The following GCNT4 variants were observed in gnomAD, a reference collection of about 807,000 sequenced individuals.
GCNT4 encodes the protein glucosaminyl (N-acetyl) transferase 4.
A neutral mutation model predicts 31.3 loss-of-function variants in GCNT4; 17 were observed. The ratio of observed to expected loss-of-function variants is 0.54; its 90% confidence interval spans 0.37 to 0.81. The LOEUF (loss-of-function observed/expected upper bound fraction) is 0.81. GCNT4 is among the 40% of genes least tolerant of loss of function. The pLI is 0.00. For synonymous variants in GCNT4, 158 were observed against 190.6 expected, an observed-to-expected ratio of 0.83 and a Z score of 1.41; for missense variants, 503 against 525.5, an observed-to-expected ratio of 0.96 and a Z score of 0.42.
rs559489372 is a variant in GCNT4, at chr5:75,045,631, G to A, written c.-2+2266C>T. Among the ~76,000 whole-genome samples the A allele has an allele frequency of 2.6e-5, 4 of 152,232 alleles. No individual in the cohort carries two copies. In the East Asian group the frequency reaches 7.7e-4, roughly 29 times the overall value. ...CCTGTTTGAATTCCTGCCTTCACTC[G>A]TTCAAGAATATCCCCTATATAAACC... On this transcript the variant is annotated intron_variant, in intron 3 of 3. Coordinates refer to ENST00000652361, the MANE Select transcript of GCNT4 (RefSeq NM_001366737.1).
downstream of GCNT4, among the ~76,000 whole-genome samples, chr5:75,023,577 G>A (rs1411627554): frequency 6.6e-6 from 1 of 152,188 alleles, no homozygotes. Flanking sequence ...TAGAGGCTGA[G>A]TGAATTGTGG....
Position 75,030,246 on chromosome 5 carries a change from A to G in GCNT4, c.-1-208T>C, listed in dbSNP as rs1469447965. The G allele has an allele frequency of 7.6e-6, 4 of 524,134 alleles. No individual in the cohort carries two copies. In the Admixed American group the frequency reaches 1.5e-4, roughly 20 times the overall value. 32.5% of individuals were successfully genotyped at this position (524,134 alleles called of 1,614,324 possible). On this transcript the variant is annotated intron_variant, in intron 3 of 3. Transcript: ENST00000652361. ...TTTTGGGGTATTCTGTGTTAACTAT[A>G]CCTAATTTTGAGAGATGTTGGTTTC...
At chr5:75,040,705 G>A (rs1743297929) in intron 3 of GCNT4, among the ~76,000 whole-genome samples, 1 of 152,188 alleles carries the variant, frequency 6.6e-6, no homozygotes, top group African/African-American at 2.4e-5. Context: ...AAGAGGAATG[G>A]TTTCTTGGGA....
chr5:75,025,259 T>C (rs932393001), downstream of GCNT4: 32 of 152,228 alleles, frequency 2.1e-4, no homozygotes, highest in African/African-American at 7.5e-4. Context: ...CTCTGCTCTT[T>C]AAATAAGGGG....
chr5:75,028,870 C>T lies in GCNT4; in HGVS notation c.1168G>A (p.Val390Met), dbSNP rs569068324. Residue 390 changes from valine (V) to methionine (M), a missense_variant, in exon 4 of 4, where the codon GTG becomes ATG. Val to Met is a conservative substitution (Grantham distance 21). Transcript: ENST00000652361. Reference sequence around the variant, plus strand: ...AATTCTGCAGCTCCATAAATACACACGCTTCGAAGGTGAGATCCAGTACAA... The same window carrying T: ...AATTCTGCAGCTCCATAAATACACATGCTTCGAAGGTGAGATCCAGTACAA... ...PSCTGSHLRSVCIYGAAELRW... is the reference protein window; with the variant it reads ...PSCTGSHLRSMCIYGAAELRW... 52 of 1,614,040 alleles carry T rather than the reference C, an allele frequency of 3.2e-5. No homozygotes were observed. The highest frequency in any genetic ancestry group is 8.0e-5 in the African/African-American group (6 of 75,046).
intron 3 of GCNT4, chr5:75,030,566 A>T (rs1241602433): frequency 5.9e-6 from 1 of 168,320 alleles, no homozygotes; most frequent in African/African-American, 2.4e-5. Flanking sequence ...CACCCAAAGG[A>T]GCTATGCTAA....
upstream of GCNT4, chr5:75,052,682 T>A (rs1050724022): frequency 1.3e-5 from 2 of 152,114 alleles, no homozygotes; most frequent in African/African-American, 4.8e-5. Context: ...CCAGCCCCGG[T>A]TGCCCTGGCG....
rs147043874 is a variant in GCNT4 at position 75,029,921 on chromosome 5, C to G, written c.117G>C (p.Pro39=). The part of the protein sequence containing the change: ...LKLLNVRRLF[P]QKDIYLVEYS... ...ACTCAACCAAGTAAATGTCTTTTTGCGGAAAGAGTCGTCTCACATTTAGAA... is the reference window on the plus strand; with the variant it reads ...ACTCAACCAAGTAAATGTCTTTTTGGGGAAAGAGTCGTCTCACATTTAGAA... The change falls in exon 4 of 4, where the codon CCG becomes CCC. Residue 39 remains proline, a synonymous_variant. Transcript: ENST00000652361. 4 of 1,614,022 alleles carry G rather than the reference C, an allele frequency of 2.5e-6. No homozygotes were observed. In the Admixed American group the frequency reaches 5.0e-5, roughly 20 times the overall value.
rs530976574 is a variant in GCNT4 at position 75,039,499 on chromosome 5, T to A, written c.-2+8398A>T. Among the ~76,000 whole-genome samples, 10 of 152,320 alleles carry A rather than the reference T, an allele frequency of 6.6e-5. No individual in the cohort carries two copies. In the South Asian group the frequency reaches 1.9e-3, roughly 28 times the overall value. On this transcript the variant is annotated intron_variant, in intron 3 of 3. Transcript: ENST00000652361. ...TATCCTCATCTTTCAGATTAAGAAA[T>A]CAAGTCAGAAGATAAATAACTTACC...
intron 2 of GCNT4, among the ~76,000 whole-genome samples, chr5:75,049,105 T>C (rs570569533): frequency 6.7e-6 from 1 of 150,312 alleles, no homozygotes; most frequent in African/African-American, 2.5e-5. Flanking sequence ...GGGAAGAATT[T>C]ACTGGTTTTG....
chr5:75,028,688 A>T lies in GCNT4; in HGVS notation c.1350T>A (p.Thr450=). ...CCTGATTTTACTATCATGATGTGGT[A>T]GTGAGATTTCTATCCATAAATAACT... The part of the protein sequence containing the change: ...SEKLFMDRNL[T]TTS The change falls in exon 4 of 4, where the codon ACT becomes ACA. Residue 450 remains threonine, a synonymous_variant. Transcript: ENST00000652361. 6 of 1,611,274 alleles carry T rather than the reference A, an allele frequency of 3.7e-6. No homozygotes were observed. Among genetic ancestry groups the T allele is most frequent in the Non-Finnish European group, 4.2e-6 (5 of 1,178,854 alleles).
intron 3 of GCNT4, among the ~76,000 whole-genome samples, chr5:75,032,911 G>T (rs1238714315): frequency 1.5e-5 from 2 of 130,134 alleles, no homozygotes; most frequent in South Asian, 2.4e-4. Context: ...GTGTGTGTGT[G>T]TGTGTGTGTG....
chr5:75,042,276 T>C (rs1004131939), intron 3 of GCNT4, among the ~76,000 whole-genome samples: 9 of 152,188 alleles, frequency 5.9e-5, no homozygotes, highest in East Asian at 1.9e-4. Context: ...TTCTATAAAG[T>C]AGAAAAACTG....
At chr5:75,045,501 T>C (rs1408563692) in intron 3 of GCNT4, among the ~76,000 whole-genome samples, 4 of 152,232 alleles carry the variant, frequency 2.6e-5, no homozygotes, top group Non-Finnish European at 5.9e-5. Flanking sequence ...ATTGTATGTA[T>C]ACATTACATT....
At chr5:75,053,929 C>T (rs1156957099), upstream of GCNT4, among the ~76,000 whole-genome samples, 2 of 152,164 alleles carry the variant, frequency 1.3e-5, no homozygotes, top group Non-Finnish European at 2.9e-5. Flanking sequence ...GCTCACAAGG[C>T]AGTGACGAAG....
chr5:75,017,405 C>T, the GCNT4 span: 2 of 152,122 alleles, frequency 1.3e-5, no homozygotes, highest in African/African-American at 4.8e-5. Flanking sequence ...CAGAAATTTT[C>T]AATTTCAGTT....
chr5:75,034,691 T>C (rs1181311594), intron 3 of GCNT4, among the ~76,000 whole-genome samples: 3 of 152,244 alleles, frequency 2.0e-5, no homozygotes, highest in African/African-American at 7.2e-5. Context: ...CACAAGTTCC[T>C]AGTGATGACA....
chr5:75,029,136 C>T lies in GCNT4; in HGVS notation c.902G>A (p.Gly301Asp), dbSNP rs1401643265. The T allele has an allele frequency of 3.7e-6, 6 of 1,613,800 alleles. No individual in the cohort carries two copies. The highest frequency in any genetic ancestry group is 3.3e-5 in the South Asian group (3 of 91,068). ...TTGACTTAAAACAAAATAAGCACTG[C>T]CAACAAATATCTGAATGTTATGGGG... ...APPHNIQIFV[G>D]SAYFVLSQAF... Residue 301 changes from glycine (G) to aspartate (D), a missense_variant, in exon 4 of 4, where the codon GGC (glycine) becomes GAC (aspartate). Gly to Asp is a moderately conservative substitution (Grantham distance 94). Transcript: ENST00000652361.
At chr5:75,033,485 G>C (rs1484511631) in intron 3 of GCNT4, among the ~76,000 whole-genome samples, 1 of 152,108 alleles carries the variant, frequency 6.6e-6, no homozygotes, top group Admixed American at 6.5e-5. Context: ...GGACAGCCCA[G>C]GCACCTCGCT....
Sources: gnomAD v4.1 joint callset for allele counts (sites outside exome capture counted in the v4.1 genomes callset) on GRCh38, gnomAD v4.1.1 for gene constraint, MANE v1.5 for transcripts, NCBI Gene and HGNC (gene_info 2026-07-23, HGNC 2026-07-21) for gene names.